UGGT2: variants seen among roughly 807,000 people sequenced by gnomAD.
UGGT2 encodes UDP-glucose glycoprotein glucosyltransferase 2.
Under a neutral mutation model 192.1 loss-of-function variants are expected in UGGT2, and 180 were observed. The ratio of observed to expected loss-of-function variants is 0.94; its 90% CI spans 0.83 to 1.06. UGGT2 has a LOEUF of 1.06. UGGT2 is among the 50% of genes least tolerant of loss of function. The pLI is 0.00. For missense variants in UGGT2, 1,849 were observed against 1,795.7 expected (o/e 1.03, Z -0.54); for synonymous variants, 580 against 591.0 (o/e 0.98, Z 0.27).
In UGGT2 at chr13:96,017,085, C is replaced by T. The variant is rs1024057275; in HGVS notation, c.486-3604G>A. 6.6e-5 allele frequency among the ~76,000 whole-genome samples: 10 copies of T among 152,240 alleles called. No individual in the cohort carries two copies. In the East Asian group the frequency reaches 1.4e-3, roughly 21 times the overall value. ...TTTGGCCGATTTCTCCCTTTGGTAACGGGAATGTTTACCCAATGCCTGCAC... is the reference window on the plus strand; with the variant it reads ...TTTGGCCGATTTCTCCCTTTGGTAATGGGAATGTTTACCCAATGCCTGCAC... On this transcript the variant is annotated intron_variant, in intron 4 of 38. Transcript: ENST00000376747.
At position 95,912,500 on chromosome 13, in the gene UGGT2, GAATAA is replaced by G. The variant is rs1050956410; in HGVS notation, c.2296-9445_2296-9441del. On this transcript the variant is annotated intron_variant, in intron 20 of 38. Coordinates refer to ENST00000376747, the MANE Select transcript of UGGT2 (RefSeq NM_020121.4). ...CTCCCATTCAGAATTGCTACAAAGA[GAATAA>G]AATACCTAGTAATCCAACTTACAAG... 2.4e-4 allele frequency among the ~76,000 whole-genome samples: 36 copies of G among 152,178 alleles called. 1 individual carries two copies. The highest frequency in any genetic ancestry group is 7.9e-4 in the African/African-American group (33 of 41,512).
At chr13:95,814,305 C>T (rs377435232) in intron 38 of UGGT2, among the ~76,000 whole-genome samples, 34 of 152,198 alleles carry the variant, frequency 2.2e-4, no homozygotes, top group African/African-American at 6.8e-4. Flanking sequence ...GGGTTGAACA[C>T]GGCAAGGCCA....
chr13:96,044,910 C>T (rs1237705692), intron 1 of UGGT2, among the ~76,000 whole-genome samples: 1 of 151,996 alleles, frequency 6.6e-6, no homozygotes, highest in Non-Finnish European at 1.5e-5. Context: ...CCAAATTCTA[C>T]CAGACATTCA....
At chr13:95,848,285 G>C (rs1888680452) in intron 36 of UGGT2, among the ~76,000 whole-genome samples, 1 of 152,142 alleles carries the variant, frequency 6.6e-6, no homozygotes, top group Non-Finnish European at 1.5e-5. Flanking sequence ...TTGCAGAGCA[G>C]AAGTTTTTAA....
At position 95,847,740 on chromosome 13, in the gene UGGT2, A is replaced by G. The variant is rs1888618527; in HGVS notation, c.4284+5803T>C. Among the ~76,000 whole-genome samples, 3 of 152,208 alleles carry G rather than the reference A, an allele frequency of 2.0e-5. No homozygotes were observed. The South Asian group carries it at 6.2e-4, about 32-fold the overall frequency. On this transcript the variant is annotated intron_variant, in intron 36 of 38. Coordinates refer to ENST00000376747, the MANE Select transcript of UGGT2 (RefSeq NM_020121.4). ...TCTTGGTTGGCTGCATATTCTGGCA[A>G]TTATAAATAAAGGTGTTATAAATAT...
intron 27 of UGGT2, among the ~76,000 whole-genome samples, chr13:95,881,471 G>C (rs1406192408): frequency 6.6e-6 from 1 of 152,112 alleles, no homozygotes; most frequent in South Asian, 2.1e-4. Flanking sequence ...TGCACTGAGA[G>C]AATAAACTGA....
At chr13:95,846,603 A>G (rs67447270) in intron 36 of UGGT2, among the ~76,000 whole-genome samples, 55,413 of 152,066 alleles carry the variant, frequency 0.36, 10,503 homozygotes, top group Non-Finnish European at 0.42. Context: ...GAGTTGAAAA[A>G]TATTCCCTTC....
intron 24 of UGGT2, 47 bp downstream of exon 24, chr13:95,894,515 G>A (rs770948519): frequency 7.0e-7 from 1 of 1,426,224 alleles, no homozygotes; most frequent in Non-Finnish European, 9.8e-7. Context: ...GGAAATAATT[G>A]CATGCATTAA....
intron 20 of UGGT2, among the ~76,000 whole-genome samples, chr13:95,917,196 A>G (rs1453440876): frequency 6.6e-6 from 1 of 152,110 alleles, no homozygotes; most frequent in African/African-American, 2.4e-5. Flanking sequence ...CTAACAGCAG[A>G]CCTCTCAGCT....
intron 38 of UGGT2, among the ~76,000 whole-genome samples, chr13:95,826,275 G>A (rs1056754342): frequency 6.6e-6 from 1 of 152,020 alleles, no homozygotes; most frequent in Non-Finnish European, 1.5e-5. Context: ...GGGAAACATA[G>A]AAGTTGGTCA....
chr13:96,025,689 A>G lies in UGGT2; in HGVS notation c.242-1930T>C, dbSNP rs553598410. Among the ~76,000 whole-genome samples, 740 of 152,300 alleles carry G rather than the reference A, an allele frequency of 4.9e-3. 8 individuals are homozygous for G. Among genetic ancestry groups the G allele is most frequent in the African/African-American group, 0.017 (695 of 41,560 alleles). On this transcript the variant is annotated intron_variant, in intron 2 of 38. Transcript: ENST00000376747. The stretch of plus-strand genomic sequence containing the variant: ...TGAAACTGTGGCAAGCTAAGTTTTT[A>G]GCTTGCAAGCAGGGTAAAAATTCCA...
At chr13:96,026,659 CTTTTTTTT>C (rs71211702) in intron 2 of UGGT2, among the ~76,000 whole-genome samples, 1 of 101,536 alleles carries the variant, frequency 9.8e-6, no homozygotes, top group Non-Finnish European at 1.9e-5. Context: ...TTTCACTCTT[CTTTTTTTT>C]TTTTTTTTTT....
chr13:95,846,153 G>A (rs937435562), intron 36 of UGGT2, among the ~76,000 whole-genome samples: 5 of 152,294 alleles, frequency 3.3e-5, no homozygotes, highest in East Asian at 3.9e-4. Context: ...CTGAGTGAAC[G>A]AGACTCCGTG....
intron 20 of UGGT2, among the ~76,000 whole-genome samples, chr13:95,906,178 A>C (rs1470233588): frequency 6.6e-6 from 1 of 152,162 alleles, no homozygotes; most frequent in Non-Finnish European, 1.5e-5. Flanking sequence ...CTGCTTGACA[A>C]TTTCCACAAA....
rs756910339 is a variant in UGGT2 at position 96,031,910 on chromosome 13, AT to A, written c.219del (p.Glu73AspfsTer2). Reference sequence around the variant, plus strand: ...CTACCTGTTTGCTTATAAATTGCTAATTCTTGCACAGTTTCCAAAAACTGCC... The same window carrying A: ...CTACCTGTTTGCTTATAAATTGCTAATCTTGCACAGTTTCCAAAAACTGCC... ...KFWQFLETVQ[E>X]LAIYKQTESD... is the part of the protein sequence containing the mutation. On this transcript the variant is annotated frameshift_variant, in exon 2 of 39. Coordinates refer to ENST00000376747, the MANE Select transcript of UGGT2 (RefSeq NM_020121.4). LOFTEE classifies it high-confidence loss of function. 2.5e-6 allele frequency: 4 copies of A among 1,610,288 alleles called. No individual in the cohort carries two copies. The highest frequency in any genetic ancestry group is 3.4e-6 in the Non-Finnish European group (4 of 1,178,532).
At chr13:96,006,744 AAAC>A (rs1402946598) in intron 5 of UGGT2, among the ~76,000 whole-genome samples, 2 of 152,134 alleles carry the variant, frequency 1.3e-5, no homozygotes, top group East Asian at 3.8e-4. Flanking sequence ...TCCAAAAAGC[AAAC>A]AACAGCAAGA....
chr13:95,997,104 C>A (rs1050875399), intron 6 of UGGT2, among the ~76,000 whole-genome samples: 6 of 152,108 alleles, frequency 3.9e-5, no homozygotes, highest in African/African-American at 1.4e-4. Context: ...GTAAAAGCAA[C>A]CCTGGGTACT....
At chr13:95,895,443 C>A (rs924997064) in intron 22 of UGGT2, 139 bp from the exon 23 acceptor site, 17 of 477,492 alleles carry the variant, frequency 3.6e-5, no homozygotes, top group African/African-American at 3.3e-4. Flanking sequence ...ATTAATCCTG[C>A]CATTTACTAA....
At chr13:95,998,096 CTAGT>C (rs1339462101) in intron 6 of UGGT2, among the ~76,000 whole-genome samples, 2 of 151,996 alleles carry the variant, frequency 1.3e-5, no homozygotes, top group African/African-American at 4.8e-5. Context: ...AGAGAGATGG[CTAGT>C]TAAAGGTCTG....
Sources: gnomAD v4.1 joint callset for allele counts (sites outside exome capture counted in the v4.1 genomes callset) on GRCh38, gnomAD v4.1.1 for gene constraint, MANE v1.5 for transcripts, NCBI Gene and HGNC (gene_info 2026-07-23, HGNC 2026-07-21) for gene names.